The following TENM3 variants were observed in gnomAD, a reference collection of about 807,000 sequenced individuals.
TENM3 encodes the protein teneurin-3.
TENM3 carries 63 observed loss-of-function variants against 255.1 expected under a neutral mutation model. The ratio of observed to expected loss-of-function variants is 0.25; its 90% CI spans 0.20 to 0.30. The LOEUF is 0.30. TENM3 is among the 10% of genes least tolerant of loss of function. TENM3 has a pLI of 1.00. For missense variants in TENM3, 2,929 were observed against 3,461.1 expected (o/e 0.85, Z 3.86); for synonymous variants, 1,306 against 1,322.3 (o/e 0.99, Z 0.27).
intron 3 of TENM3, among the ~76,000 whole-genome samples, chr4:182,355,851 G>A (rs1765488988): frequency 6.6e-6 from 1 of 151,400 alleles, no homozygotes. Flanking sequence ...AGAAGACATA[G>A]TGTTTGATGT....
chr4:182,446,884 C>T (rs892214162), intron 3 of TENM3, among the ~76,000 whole-genome samples: 3 of 151,708 alleles, frequency 2.0e-5, no homozygotes, highest in African/African-American at 4.8e-5. Context: ...TTCAGGTGAC[C>T]CCCCACCCCC....
chr4:181,857,772 A>AAG, the TENM3 span, among the ~76,000 whole-genome samples: 2 of 151,776 alleles, frequency 1.3e-5, no homozygotes, highest in African/African-American at 2.4e-5. Flanking sequence ...ACAAAAAAAA[A>AAG]AGAGAGAGAG....
chr4:182,586,607 C>G (rs1746041159), intron 3 of TENM3, among the ~76,000 whole-genome samples: 2 of 152,158 alleles, frequency 1.3e-5, no homozygotes, highest in Admixed American at 6.5e-5. Context: ...CAAGAATGAT[C>G]ATTACATGGT....
At chr4:181,936,288 G>T in the TENM3 span, among the ~76,000 whole-genome samples, 2 of 152,028 alleles carry the variant, frequency 1.3e-5, no homozygotes, top group Non-Finnish European at 2.9e-5. Context: ...CCAGCTACTC[G>T]GGAGGCTGAG....
chr4:181,557,308 C>CCCTTGCATAG, the TENM3 span, among the ~76,000 whole-genome samples: 1 of 152,090 alleles, frequency 6.6e-6, no homozygotes, highest in Admixed American at 6.5e-5. Context: ...ATATTTTTAA[C>CCCTTGCATAG]CCTTGCATAG....
chr4:181,857,590 A>C, the TENM3 span, among the ~76,000 whole-genome samples: 31 of 10,322 alleles, frequency 3.0e-3, no homozygotes, highest in African/African-American at 7.9e-3. Flanking sequence ...ACAAAACAAA[A>C]AAAAAAAAAA....
chr4:182,314,275 T>C (rs1762622220), intron 1 of TENM3, among the ~76,000 whole-genome samples: 1 of 151,242 alleles, frequency 6.6e-6, no homozygotes, highest in Non-Finnish European at 1.5e-5. Flanking sequence ...CACTCCAGCC[T>C]GGGCGACAGA....
rs1184857865 is a variant in TENM3, at chr4:182,801,201, T to G, written c.*850T>G. The G allele has an allele frequency of 4.6e-5, 7 of 152,652 alleles. No individual in the cohort carries two copies. The highest frequency in any genetic ancestry group is 1.7e-4 in the African/African-American group (7 of 41,452). The allele number at this position is 152,652 out of a possible 1,614,324, so 9.5% of individuals were successfully genotyped here. A position where few individuals can be genotyped will look rare whatever the true frequency, so the allele number is the denominator to read the frequency against. Reference sequence around the variant, plus strand: ...AGCTGTACAGTATGAATTATTATATTGTAGAGATATAACAACTTATGCCTA... The same window carrying G: ...AGCTGTACAGTATGAATTATTATATGGTAGAGATATAACAACTTATGCCTA... On this transcript the variant is annotated 3_prime_UTR_variant, in exon 28 of 28. Transcript: ENST00000511685.
chr4:182,779,877 G>A (rs58035416), intron 24 of TENM3, among the ~76,000 whole-genome samples: 13,032 of 152,042 alleles, frequency 0.086, 1,906 homozygotes, highest in African/African-American at 0.3. Flanking sequence ...GTGTCTGTTC[G>A]TGTCCTTCGC....
At chr4:182,095,525 G>T in the TENM3 span, among the ~76,000 whole-genome samples, 1 of 152,144 alleles carries the variant, frequency 6.6e-6, no homozygotes, top group Non-Finnish European at 1.5e-5. Flanking sequence ...TAGAATGAGG[G>T]TTACCAGAGG....
chr4:182,217,838 T>A (rs974978847), intron 1 of TENM3, among the ~76,000 whole-genome samples: 12 of 152,184 alleles, frequency 7.9e-5, no homozygotes, highest in African/African-American at 2.9e-4. Context: ...TGAATAATAA[T>A]GTTATGAATA....
the TENM3 span, among the ~76,000 whole-genome samples, chr4:181,755,025 T>C: frequency 6.6e-6 from 1 of 152,274 alleles, no homozygotes; most frequent in East Asian, 1.9e-4. Context: ...CAGTGAACTC[T>C]TGCTAGTTTC....
At chr4:181,539,006 T>A in the TENM3 span, among the ~76,000 whole-genome samples, 10 of 152,164 alleles carry the variant, frequency 6.6e-5, no homozygotes, top group Non-Finnish European at 1.2e-4. Flanking sequence ...ATGCAGAGGG[T>A]ACAAATCTTT....
intron 3 of TENM3, among the ~76,000 whole-genome samples, chr4:182,387,776 G>A (rs979945338): frequency 1.2e-4 from 18 of 151,598 alleles, no homozygotes; most frequent in South Asian, 4.2e-4. Flanking sequence ...AAAAAACTCC[G>A]AACACATCCG....
At chr4:181,485,773 G>C in the TENM3 span, among the ~76,000 whole-genome samples, 1 of 152,116 alleles carries the variant, frequency 6.6e-6, no homozygotes, top group Non-Finnish European at 1.5e-5. Flanking sequence ...CAGGGAATTA[G>C]TTTAAAAATA....
At chr4:182,434,482 G>A (rs1481988707) in intron 3 of TENM3, among the ~76,000 whole-genome samples, 1 of 152,054 alleles carries the variant, frequency 6.6e-6, no homozygotes, top group East Asian at 1.9e-4. Context: ...GGCCAACATG[G>A]TGAAACACCG....
the TENM3 span, among the ~76,000 whole-genome samples, chr4:181,548,892 G>C: frequency 6.6e-6 from 1 of 152,076 alleles, no homozygotes; most frequent in Admixed American, 6.6e-5. Flanking sequence ...GCAAGTTAAT[G>C]ATAACATTTA....
intron 12 of TENM3, among the ~76,000 whole-genome samples, chr4:182,710,143 G>C (rs915053453): frequency 3.3e-5 from 5 of 152,106 alleles, no homozygotes; most frequent in African/African-American, 1.2e-4. Flanking sequence ...AAAAGCAAAA[G>C]GTTTACTCTC....
chr4:181,722,646 GAAATT>G, the TENM3 span, among the ~76,000 whole-genome samples: 1 of 152,088 alleles, frequency 6.6e-6, no homozygotes, highest in African/African-American at 2.4e-5. Context: ...CATAAACAAT[GAAATT>G]AAAATTACTC....
Sources: allele counts gnomAD v4.1 joint callset (sites outside exome capture counted in the v4.1 genomes callset), GRCh38; gene constraint gnomAD v4.1.1; transcripts MANE v1.5; gene names NCBI Gene and HGNC (gene_info 2026-07-23, HGNC 2026-07-21).